The following C10orf67 variants were observed in gnomAD, a reference collection of about 807,000 sequenced individuals.
C10orf67 encodes the protein chromosome 10 open reading frame 67, also known as uncharacterized protein C10orf67, mitochondrial.
Under a neutral mutation model 35.6 loss-of-function variants are expected in C10orf67, and 60 were observed. The ratio of observed to expected loss-of-function variants is 1.68; its 90% confidence interval spans 1.37 to 2.09. The LOEUF is 2.09. Ranked by LOEUF, C10orf67 falls within the 30% of genes most tolerant of loss-of-function variation. C10orf67 has a pLI of 0.00. For missense variants in C10orf67, 474 were observed against 330.2 expected (o/e 1.44, Z -3.38); for synonymous variants, 167 against 115.8 (o/e 1.44, Z -2.84).
At chr10:23,243,599 A>G (rs1027533912) in intron 12 of C10orf67, among the ~76,000 whole-genome samples, 1 of 151,864 alleles carries the variant, frequency 6.6e-6, no homozygotes, top group Non-Finnish European at 1.5e-5. Flanking sequence ...AGGCAGGAGA[A>G]TTGCTTGAAC....
intron 10 of C10orf67, among the ~76,000 whole-genome samples, chr10:23,263,325 A>T (rs1420528976): frequency 6.6e-6 from 1 of 152,220 alleles, no homozygotes; most frequent in Admixed American, 6.5e-5. Flanking sequence ...AGAAGAAAAG[A>T]TCTTTTCTTC....
intron 4 of C10orf67, among the ~76,000 whole-genome samples, chr10:23,311,715 G>GAAAA (rs765511237): frequency 3.4e-4 from 2 of 5,898 alleles, no homozygotes; most frequent in South Asian, 0.014. Context: ...CCATCTCAAA[G>GAAAA]AAAAAAAAAA....
Position 23,250,518 on chromosome 10 carries a change from A to G in C10orf67, c.1283T>C (p.Phe428Ser). 1 of 398,572 alleles carries G rather than the reference A, an allele frequency of 2.5e-6. No homozygotes were observed. Among genetic ancestry groups the G allele is most frequent in the East Asian group, 3.6e-5 (1 of 27,956 alleles). The allele number at this position is 398,572 out of a possible 1,614,324, so 24.7% of individuals were successfully genotyped here. A position where few individuals can be genotyped will look rare whatever the true frequency, so the allele number is the denominator to read the frequency against. The change falls in exon 12 of 16, where the codon TTT (phenylalanine) becomes TCT (serine). Residue 428 changes from phenylalanine to serine, a missense_variant and splice_region_variant. Physicochemically the swap from Phe to Ser is radical, Grantham distance 155. Coordinates refer to ENST00000636213, the MANE Select transcript of C10orf67 (RefSeq NM_001371909.1). Reference sequence around the variant, plus strand: ...ATTTAGTCGATCAGCTTCCTTCCTAAACCTATAAAAAATTTACAGATGGTT... The same window carrying G: ...ATTTAGTCGATCAGCTTCCTTCCTAGACCTATAAAAAATTTACAGATGGTT... ...LENEKKKVER[F>S]RKEADRLNKS...
intron 13 of C10orf67, among the ~76,000 whole-genome samples, chr10:23,232,464 C>T (rs1841937861): frequency 6.6e-6 from 1 of 152,108 alleles, no homozygotes; most frequent in South Asian, 2.1e-4. Context: ...GAGAACAGAA[C>T]AAGAATGTAG....
In C10orf67 at chr10:23,204,189, G is replaced by T. The variant is rs976498555; in HGVS notation, c.1637C>A (p.Ala546Glu). Residue 546 changes from alanine to glutamate, a missense_variant, in exon 16 of 16, where the codon GCA (alanine) becomes GAA (glutamate). Ala to Glu is a moderately radical substitution (Grantham distance 107). Transcript: ENST00000636213. Reference sequence around the variant, plus strand: ...TCTGCTGGGTTAATCAACAGTCTCTGCGGGGCTGCTCTGGCGCATGGAGGG... The same window carrying T: ...TCTGCTGGGTTAATCAACAGTCTCTTCGGGGCTGCTCTGGCGCATGGAGGG... ...EEPSMRQSSP[A>E]ETVD 3 of 643,476 alleles carry T rather than the reference G, an allele frequency of 4.7e-6. No individual in the cohort carries two copies. The highest frequency in any genetic ancestry group is 3.7e-5 in the African/African-American group (2 of 53,996). 39.9% of individuals were successfully genotyped at this position (643,476 alleles called of 1,614,324 possible).
At chr10:23,218,922 C>A (rs186474922) in intron 15 of C10orf67, among the ~76,000 whole-genome samples, 1 of 152,138 alleles carries the variant, frequency 6.6e-6, no homozygotes, top group African/African-American at 2.4e-5. Context: ...AATGTTAACA[C>A]GTATGCCTGA....
At chr10:23,327,819 C>T (rs985206259) in intron 2 of C10orf67, among the ~76,000 whole-genome samples, 6 of 151,100 alleles carry the variant, frequency 4.0e-5, no homozygotes, top group Non-Finnish European at 3.0e-5. Flanking sequence ...GGCAAGACTC[C>T]ATCTCGGGGG....
At chr10:23,320,202 C>CAAA (rs1370912670) in intron 4 of C10orf67, among the ~76,000 whole-genome samples, 1 of 151,994 alleles carries the variant, frequency 6.6e-6, no homozygotes, top group African/African-American at 2.4e-5. Context: ...AAGAAGTATG[C>CAAA]AAAAAATTTA....
In C10orf67 at chr10:23,323,947, A is replaced by G. The variant is rs1421613648; in HGVS notation, c.328-1410T>C. 6.3e-5 allele frequency among the ~76,000 whole-genome samples: 5 copies of G among 79,100 alleles called. 1 individual carries two copies. The highest frequency in any genetic ancestry group is 2.3e-4 in the African/African-American group (4 of 17,608). 51.9% of individuals were successfully genotyped at this position (79,100 alleles called of 152,430 possible). A position where few individuals can be genotyped will look rare whatever the true frequency, so the allele number is the denominator to read the frequency against. On this transcript the variant is annotated intron_variant, in intron 2 of 15. Coordinates refer to ENST00000636213, the MANE Select transcript of C10orf67 (RefSeq NM_001371909.1). ...TATATATATATATATATATATATAT[A>G]TATATACACACACACACACATATGA...
chr10:23,209,522 A>C (rs1019997732), intron 15 of C10orf67, among the ~76,000 whole-genome samples: 3 of 152,220 alleles, frequency 2.0e-5, no homozygotes, highest in Admixed American at 6.5e-5. Flanking sequence ...CTAAGAGGGT[A>C]GGTAGCTCTT....
At chr10:23,344,288 G>C (rs1326839507) in intron 1 of C10orf67, 1 of 478,156 alleles carries the variant, frequency 2.1e-6, no homozygotes, top group Non-Finnish European at 3.8e-6. Flanking sequence ...GGGAAGGAGT[G>C]GGGGAAGGGG....
At chr10:23,288,273 G>A (rs1359546722) in intron 7 of C10orf67, among the ~76,000 whole-genome samples, 1 of 152,170 alleles carries the variant, frequency 6.6e-6, no homozygotes, top group African/African-American at 2.4e-5. Context: ...TATACACCAT[G>A]GAATACTATG....
intron 12 of C10orf67, among the ~76,000 whole-genome samples, chr10:23,247,203 C>A (rs775789371): frequency 6.6e-6 from 1 of 151,918 alleles, no homozygotes; most frequent in Non-Finnish European, 1.5e-5. Context: ...TGGTGATGTC[C>A]TAGGCCTTCA....
chr10:23,269,434 T>G (rs987635907), intron 8 of C10orf67, among the ~76,000 whole-genome samples: 1 of 152,040 alleles, frequency 6.6e-6, no homozygotes, highest in Non-Finnish European at 1.5e-5. Flanking sequence ...AATGGAATTC[T>G]AAAATATTAA....
chr10:23,311,594 C>T (rs904677230), intron 4 of C10orf67, among the ~76,000 whole-genome samples: 17 of 151,992 alleles, frequency 1.1e-4, no homozygotes, highest in African/African-American at 3.9e-4. Flanking sequence ...GCCTGTAATC[C>T]CAGCTACTCT....
chr10:23,279,830 T>TAATA (rs150266853), intron 8 of C10orf67, among the ~76,000 whole-genome samples: 2,231 of 150,952 alleles, frequency 0.015, 29 homozygotes, highest in Non-Finnish European at 0.021. Flanking sequence ...AAGTTGTATA[T>TAATA]AATAAATAAA....
At chr10:23,319,491 A>G (rs1443527184) in intron 4 of C10orf67, among the ~76,000 whole-genome samples, 3 of 152,200 alleles carry the variant, frequency 2.0e-5, no homozygotes, top group African/African-American at 7.2e-5. Flanking sequence ...TCTTTATGGT[A>G]GAATGATTTA....
Position 23,225,647 on chromosome 10 carries a change from T to C in C10orf67, c.1435-1829A>G, listed in dbSNP as rs139388234. Among the ~76,000 whole-genome samples, 11 of 152,170 alleles carry C rather than the reference T, an allele frequency of 7.2e-5. No individual in the cohort carries two copies. The East Asian group carries it at 1.9e-3, about 27-fold the overall frequency. The stretch of plus-strand genomic sequence containing the variant: ...CCTACCTCACGTGCAGAGACACACA[T>C]AGGCTCAAAATAAAGGGACGGAGGA... On this transcript the variant is annotated intron_variant, in intron 13 of 15. Coordinates refer to ENST00000636213, the MANE Select transcript of C10orf67 (RefSeq NM_001371909.1).
chr10:23,332,231 T>A (rs1845513597), intron 2 of C10orf67, among the ~76,000 whole-genome samples: 1 of 152,222 alleles, frequency 6.6e-6, no homozygotes, highest in African/African-American at 2.4e-5. Context: ...GAGGAAACTC[T>A]ATGTGTCAAT....
Sources: gnomAD v4.1 joint callset for allele counts (sites outside exome capture counted in the v4.1 genomes callset) on GRCh38, gnomAD v4.1.1 for gene constraint, MANE v1.5 for transcripts, NCBI Gene and HGNC (gene_info 2026-07-23, HGNC 2026-07-21) for gene names.